HP1BP3: variants seen among roughly 807,000 people sequenced by gnomAD.
The protein encoded by HP1BP3 is heterochromatin protein 1 binding protein 3.
HP1BP3 carries 12 observed loss-of-function variants against 62.5 expected under a neutral mutation model. The observed-to-expected ratio is 0.19, with a 90% CI of 0.12 to 0.31. The LOEUF (loss-of-function observed/expected upper bound fraction) is 0.31, where lower values mean the gene tolerates loss of function less well. HP1BP3 is among the 10% of genes least tolerant of loss of function. The pLI is 1.00. For missense variants in HP1BP3, 502 were observed against 651.8 expected (o/e 0.77, Z 2.50); for synonymous variants, 260 against 237.8 (o/e 1.09, Z -0.86).
chr1:20,763,323 TACC>T (rs2056593034), intron 8 of HP1BP3, among the ~76,000 whole-genome samples: 1 of 152,240 alleles, frequency 6.6e-6, no homozygotes, highest in Non-Finnish European at 1.5e-5. Context: ...GTCTGCCTAC[TACC>T]ACTATACTCA....
chr1:20,785,394 A>C (rs10916862), intron 1 of HP1BP3, among the ~76,000 whole-genome samples: 3,350 of 152,292 alleles, frequency 0.022, 129 homozygotes, highest in African/African-American at 0.075. Flanking sequence ...CTATAATTTC[A>C]CATTTTACCA....
Position 20,787,201 on chromosome 1 carries a change from G to T in HP1BP3, c.-107C>A, listed in dbSNP as rs1345369345. The T allele has an allele frequency of 6.6e-6, 1 of 151,908 alleles. No homozygotes were observed. The highest frequency in any genetic ancestry group is 2.4e-5 in the African/African-American group (1 of 41,344). The allele number at this position is 151,908 out of a possible 1,614,324, so 9.4% of individuals were successfully genotyped here. ...CTGTTCGGTCCTGCGTTACCTCTGC[G>T]TTCGGCCGGTCCTGGCGCCCGCGTC... On this transcript the variant is annotated 5_prime_UTR_variant, in exon 1 of 13. Transcript: ENST00000438032.
chr1:20,782,003 A>G (rs2057575051), intron 1 of HP1BP3, among the ~76,000 whole-genome samples: 1 of 152,248 alleles, frequency 6.6e-6, no homozygotes, highest in African/African-American at 2.4e-5. Context: ...AAATAAAACA[A>G]TATCACAATC....
chr1:20,770,534 C>T (rs542366140), intron 6 of HP1BP3, among the ~76,000 whole-genome samples: 31 of 152,100 alleles, frequency 2.0e-4, no homozygotes, highest in Admixed American at 7.9e-4. Flanking sequence ...AGGCTGGTCT[C>T]GAACTCCTGG....
chr1:20,767,734 T>C (rs2056854340), intron 6 of HP1BP3, 70 bp from the exon 7 acceptor site: 2 of 939,618 alleles, frequency 2.1e-6, no homozygotes, highest in Admixed American at 4.7e-5. Context: ...TTACAGGCCA[T>C]GGTAATGCAA....
intron 7 of HP1BP3, among the ~76,000 whole-genome samples, chr1:20,767,073 C>G (rs1334870398): frequency 6.6e-6 from 1 of 152,146 alleles, no homozygotes; most frequent in African/African-American, 2.4e-5. Flanking sequence ...AATCCCAGCA[C>G]TTTGGGAGGC....
intron 9 of HP1BP3, chr1:20,750,322 AACAC>A (rs67464129): frequency 0.092 from 12,671 of 137,866 alleles, 731 homozygotes; most frequent in Non-Finnish European, 0.11. Flanking sequence ...CTCTACTAAA[AACAC>A]ACACACACAC....
In HP1BP3 at chr1:20,745,106, G is replaced by C; in HGVS notation, c.1368-15C>G. 6.3e-7 allele frequency: 1 copy of C among 1,591,390 alleles called. No homozygotes were observed. The highest frequency in any genetic ancestry group is 8.5e-7 in the Non-Finnish European group (1 of 1,172,406). On this transcript the variant is annotated splice_polypyrimidine_tract_variant and intron_variant, in intron 12 of 12. Transcript: ENST00000438032. ...TCTTCTGCAACCTGTGAGAACCAAA[G>C]AGCAAAGGCCGTCATTTAGTACTTA...
At position 20,779,889 on chromosome 1, in the gene HP1BP3, G is replaced by A. The variant is rs1303313503; in HGVS notation, c.119C>T (p.Pro40Leu). ...LGEKVEDSTM[P>L]IRRTVNSTRE... The stretch of plus-strand genomic sequence containing the variant: ...GGTAGAATTCACAGTTCGACGAATC[G>A]GCATGGTGCTATCTTCTACCTTCTA... The change falls in exon 3 of 13, where the codon CCG becomes CTG. Residue 40 changes from proline to leucine, a missense_variant. This residue lies in a region of HP1BP3 where 165 missense variants were observed against 156.4 expected (regional missense o/e 1.05). Coordinates refer to ENST00000438032, the MANE Select transcript of HP1BP3 (RefSeq NM_001372052.1). The A allele has an allele frequency of 6.8e-6, 11 of 1,612,954 alleles. No individual in the cohort carries two copies. Among genetic ancestry groups the A allele is most frequent in the Non-Finnish European group, 9.3e-6 (11 of 1,179,610 alleles).
At chr1:20,784,568 C>G (rs1031921885) in intron 1 of HP1BP3, among the ~76,000 whole-genome samples, 1 of 151,166 alleles carries the variant, frequency 6.6e-6, no homozygotes, top group South Asian at 2.1e-4. Context: ...AACCTCCCCT[C>G]CCGGTTCACG....
chr1:20,771,423 A>G (rs1237724819), intron 5 of HP1BP3, among the ~76,000 whole-genome samples: 1 of 152,230 alleles, frequency 6.6e-6, no homozygotes, highest in East Asian at 1.9e-4. Context: ...CACTTACAGG[A>G]TCACAGATCT....
At chr1:20,786,416 G>A (rs574459999) in intron 1 of HP1BP3, 6 of 152,342 alleles carry the variant, frequency 3.9e-5, no homozygotes, top group African/African-American at 1.2e-4. Context: ...AAGAGCAGCG[G>A]AGACAAAGCA....
Position 20,744,753 on chromosome 1 carries a change from T to C in HP1BP3, c.*44A>G, listed in dbSNP as rs762174275. ...ACAAATGCACACTGACCTTAGAAAATAAGATTTTGAATTTCATCATGATAC... is the reference window on the plus strand; with the variant it reads ...ACAAATGCACACTGACCTTAGAAAACAAGATTTTGAATTTCATCATGATAC... On this transcript the variant is annotated 3_prime_UTR_variant, in exon 13 of 13. Transcript: ENST00000438032. 2.6e-6 allele frequency: 4 copies of C among 1,511,512 alleles called. No homozygotes were observed. The highest frequency in any genetic ancestry group is 9.0e-7 in the Non-Finnish European group (1 of 1,117,200). 93.6% of individuals were successfully genotyped at this position (1,511,512 alleles called of 1,614,324 possible). A position where few individuals can be genotyped will look rare whatever the true frequency, so the allele number is the denominator to read the frequency against.
At chr1:20,777,668 C>T (rs1207377557) in intron 3 of HP1BP3, among the ~76,000 whole-genome samples, 1 of 152,134 alleles carries the variant, frequency 6.6e-6, no homozygotes, top group Non-Finnish European at 1.5e-5. Flanking sequence ...TTGTGTTAGC[C>T]AGGATGGTCT....
At position 20,787,250 on chromosome 1, in the gene HP1BP3, CCCGCCGCCGCTAGTCGCCT is replaced by C. The variant is rs1553166494; in HGVS notation, c.-175_-157del. 6.6e-6 allele frequency: 1 copy of C among 152,256 alleles called. No individual in the cohort carries two copies. Among genetic ancestry groups the C allele is most frequent in the African/African-American group, 2.4e-5 (1 of 41,416 alleles). The allele number at this position is 152,256 out of a possible 1,614,324, so 9.4% of individuals were successfully genotyped here. On this transcript the variant is annotated 5_prime_UTR_variant, in exon 1 of 13. Coordinates refer to ENST00000438032, the MANE Select transcript of HP1BP3 (RefSeq NM_001372052.1). ...TCCCGCACGGCCTCTCGGCGCCGCT[CCCGCCGCCGCTAGTCGCCT>C]CCGCCACCGCTGTCCTCCAGTCCCA...
At chr1:20,749,520 T>G (rs1351121364) in intron 10 of HP1BP3, among the ~76,000 whole-genome samples, 6 of 151,814 alleles carry the variant, frequency 4.0e-5, no homozygotes, top group Admixed American at 2.6e-4. Flanking sequence ...CACTACACCC[T>G]GCTAATTTTT....
chr1:20,768,172 C>T (rs182394200), intron 6 of HP1BP3, among the ~76,000 whole-genome samples: 2 of 152,208 alleles, frequency 1.3e-5, no homozygotes, highest in Admixed American at 6.5e-5. Flanking sequence ...TTTGGCTGGG[C>T]GCGGTGGCTC....
intron 4 of HP1BP3, chr1:20,775,811 C>T: frequency 1.6e-6 from 1 of 628,616 alleles, no homozygotes; most frequent in Non-Finnish European, 2.6e-6. Flanking sequence ...CCCATAAAGC[C>T]TAGGTATGTA....
At chr1:20,749,242 ATTTG>A (rs773747499) in intron 10 of HP1BP3, among the ~76,000 whole-genome samples, 65 of 151,658 alleles carry the variant, frequency 4.3e-4, no homozygotes, top group African/African-American at 3.4e-4. Context: ...AGTTTTGATT[ATTTG>A]TTTTTCTTTT....
Sources: allele counts gnomAD v4.1 joint callset (sites outside exome capture counted in the v4.1 genomes callset), GRCh38; gene constraint gnomAD v4.1.1; regional missense constraint gnomAD v4.1.1; transcripts MANE v1.5; gene names NCBI Gene and HGNC (gene_info 2026-07-23, HGNC 2026-07-21).